The following GRM1 variants were observed in gnomAD, a reference collection of about 807,000 sequenced individuals.
The protein encoded by GRM1 is glutamate metabotropic receptor 1, also known as metabotropic glutamate receptor 1.
GRM1 carries 33 observed loss-of-function variants against 90.9 expected under a neutral mutation model. The ratio of observed to expected loss-of-function variants is 0.36; its 90% CI spans 0.28 to 0.49. The LOEUF (loss-of-function observed/expected upper bound fraction) is 0.49. Ranked by LOEUF, GRM1 falls within the 20% of genes least tolerant of loss-of-function variation. The pLI, the probability that GRM1 is intolerant of heterozygous loss-of-function variation, is 0.99. For missense variants in GRM1, 1,190 were observed against 1,534.3 expected (o/e 0.78, Z 3.75); for synonymous variants, 700 against 613.2 (o/e 1.14, Z -2.09).
At chr6:146,223,633 T>C (rs1306478227) in intron 2 of GRM1, among the ~76,000 whole-genome samples, 3 of 152,094 alleles carry the variant, frequency 2.0e-5, no homozygotes, top group African/African-American at 7.2e-5. Flanking sequence ...AAAATATACT[T>C]GCATAAGAAC....
intron 2 of GRM1, among the ~76,000 whole-genome samples, chr6:146,303,053 G>T (rs759595464): frequency 6.6e-6 from 1 of 152,100 alleles, no homozygotes; most frequent in Non-Finnish European, 1.5e-5. Flanking sequence ...TCTGGGTCAG[G>T]TTAAGTCAGC....
chr6:146,289,207 T>G (rs1488841380), intron 2 of GRM1, among the ~76,000 whole-genome samples: 1 of 152,142 alleles, frequency 6.6e-6, no homozygotes, highest in Non-Finnish European at 1.5e-5. Context: ...GACAGCTCCA[T>G]GTGTGTTAAT....
intron 1 of GRM1, among the ~76,000 whole-genome samples, chr6:146,075,880 A>T (rs1776169149): frequency 6.6e-6 from 1 of 152,140 alleles, no homozygotes; most frequent in African/African-American, 2.4e-5. Flanking sequence ...CTCTTTTTAT[A>T]AGGACAGCAG....
At chr6:146,205,755 C>A (rs1392594334) in intron 2 of GRM1, among the ~76,000 whole-genome samples, 1 of 152,166 alleles carries the variant, frequency 6.6e-6, no homozygotes. Context: ...GGGGCACACA[C>A]TTTTTCTGAA....
intron 3 of GRM1, among the ~76,000 whole-genome samples, chr6:146,349,543 C>G (rs1444408684): frequency 6.6e-6 from 1 of 152,118 alleles, no homozygotes; most frequent in Non-Finnish European, 1.5e-5. Context: ...TCTCAACATA[C>G]CCACTTTTTC....
At chr6:146,141,878 C>G (rs1776891019) in intron 1 of GRM1, among the ~76,000 whole-genome samples, 1 of 152,188 alleles carries the variant, frequency 6.6e-6, no homozygotes, top group Non-Finnish European at 1.5e-5. Context: ...CTCTCCAGGA[C>G]TGGTTCCTGA....
chr6:146,127,612 T>A (rs78726797), intron 1 of GRM1, among the ~76,000 whole-genome samples: 5,637 of 152,226 alleles, frequency 0.037, 177 homozygotes, highest in South Asian at 0.15. Context: ...TGGGCATTCT[T>A]GAGTGAGACA....
At chr6:146,252,323 T>A (rs1319205644) in intron 2 of GRM1, among the ~76,000 whole-genome samples, 1 of 152,030 alleles carries the variant, frequency 6.6e-6, no homozygotes, top group Non-Finnish European at 1.5e-5. Context: ...CTGAGGGAGG[T>A]GACATCAAAA....
At chr6:146,323,601 T>C (rs1784286858) in intron 3 of GRM1, among the ~76,000 whole-genome samples, 1 of 152,202 alleles carries the variant, frequency 6.6e-6, no homozygotes, top group Non-Finnish European at 1.5e-5. Context: ...TTTAATTAGA[T>C]CCCATTTGTC....
chr6:146,282,962 G>A (rs942395868), intron 2 of GRM1, among the ~76,000 whole-genome samples: 1 of 152,082 alleles, frequency 6.6e-6, no homozygotes, highest in Non-Finnish European at 1.5e-5. Context: ...ACTTGCCAAG[G>A]CCAGTGAAAT....
intron 6 of GRM1, among the ~76,000 whole-genome samples, chr6:146,396,627 G>GT (rs1335288622): frequency 6.6e-6 from 1 of 151,762 alleles, no homozygotes; most frequent in Non-Finnish European, 1.5e-5. Context: ...AGAAAAATAT[G>GT]GTTCAAAACG....
intron 1 of GRM1, among the ~76,000 whole-genome samples, chr6:146,143,094 T>C (rs1467458967): frequency 6.6e-6 from 1 of 152,124 alleles, no homozygotes; most frequent in African/African-American, 2.4e-5. Context: ...GCCTAAGAGC[T>C]CTTTAGTCAG....
intron 1 of GRM1, among the ~76,000 whole-genome samples, chr6:146,128,816 A>G (rs1776288543): frequency 6.6e-6 from 1 of 152,130 alleles, no homozygotes; most frequent in South Asian, 2.1e-4. Context: ...ATTGTCTATG[A>G]TCATTCCACT....
At chr6:146,286,802 G>A (rs920878465) in intron 2 of GRM1, among the ~76,000 whole-genome samples, 1 of 152,156 alleles carries the variant, frequency 6.6e-6, no homozygotes, top group African/African-American at 2.4e-5. Context: ...AAAAGTTCTG[G>A]AAGAATGTGC....
chr6:146,168,283 T>C (rs1344277763), intron 2 of GRM1, among the ~76,000 whole-genome samples: 1 of 151,982 alleles, frequency 6.6e-6, no homozygotes, highest in Non-Finnish European at 1.5e-5. Flanking sequence ...TGATCTAGGG[T>C]TTAAAATATA....
chr6:146,093,662 T>C (rs1179364663), intron 1 of GRM1, among the ~76,000 whole-genome samples: 1 of 152,082 alleles, frequency 6.6e-6, no homozygotes, highest in Non-Finnish European at 1.5e-5. Context: ...CTAGAAATTC[T>C]AAATACTTCA....
At chr6:146,078,352 A>G (rs1468419058) in intron 1 of GRM1, among the ~76,000 whole-genome samples, 1 of 152,196 alleles carries the variant, frequency 6.6e-6, no homozygotes, top group Non-Finnish European at 1.5e-5. Flanking sequence ...AAAGACCTCA[A>G]GATGAATAAC....
chr6:146,413,817 A>G (rs1167437409), intron 7 of GRM1, among the ~76,000 whole-genome samples: 1 of 152,220 alleles, frequency 6.6e-6, no homozygotes, highest in Non-Finnish European at 1.5e-5. Flanking sequence ...AAATGAAATC[A>G]TAAGGTAGAT....
At chr6:146,313,759 A>G (rs1162990632) in intron 3 of GRM1, among the ~76,000 whole-genome samples, 1 of 152,134 alleles carries the variant, frequency 6.6e-6, no homozygotes, top group African/African-American at 2.4e-5. Flanking sequence ...ATCAATTTTG[A>G]TGTATGTATA....
Sources: gnomAD v4.1 joint callset for allele counts (sites outside exome capture counted in the v4.1 genomes callset) on GRCh38, gnomAD v4.1.1 for gene constraint, MANE v1.5 for transcripts, NCBI Gene and HGNC (gene_info 2026-07-23, HGNC 2026-07-21) for gene names.